The following DPH6 variants were observed in gnomAD, a reference collection of about 807,000 sequenced individuals.
DPH6 encodes diphthine--ammonia ligase.
Under a neutral mutation model 38.2 loss-of-function variants are expected in DPH6, and 33 were observed. The observed-to-expected ratio is 0.86, with a 90% confidence interval of 0.65 to 1.15. The LOEUF (loss-of-function observed/expected upper bound fraction) is 1.15, where lower values mean the gene tolerates loss of function less well. DPH6 is among the 50% of genes most tolerant of loss of function. DPH6 has a pLI of 0.00. For missense variants in DPH6, 325 were observed against 320.0 expected (o/e 1.02, Z -0.12); for synonymous variants, 108 against 103.0 (o/e 1.05, Z -0.30).
rs1025405325 is a variant in DPH6, at chr15:35,371,450, G to A, written c.*700C>T. ...ACGGTAGGGGAGGCTGTGAATGTGT[G>A]GAGGTAGAGGGTATATGGGAAATCT... is the stretch of plus-strand genomic sequence containing the variant. On this transcript the variant is annotated 3_prime_UTR_variant, in exon 9 of 9. Coordinates refer to ENST00000256538, the MANE Select transcript of DPH6 (RefSeq NM_080650.4). 1 of 404,278 alleles carries A rather than the reference G, an allele frequency of 2.5e-6. No homozygotes were observed. The highest frequency in any genetic ancestry group is 3.3e-6 in the Non-Finnish European group (1 of 299,412). The allele number at this position is 404,278 out of a possible 1,614,324, so 25.0% of individuals were successfully genotyped here.
At chr15:35,155,962 C>T in the DPH6 span, among the ~76,000 whole-genome samples, 1 of 151,958 alleles carries the variant, frequency 6.6e-6, no homozygotes, top group East Asian at 1.9e-4. Flanking sequence ...TGGAGCAAAC[C>T]AGGTTTCTGA....
chr15:35,228,126 C>T (rs2051494786), intron 3 of DPH6, among the ~76,000 whole-genome samples: 1 of 152,084 alleles, frequency 6.6e-6, no homozygotes, highest in Non-Finnish European at 1.5e-5. Flanking sequence ...CTGTAAATAT[C>T]TGTTAGATCC....
At chr15:35,289,964 G>C (rs1186479207) in intron 3 of DPH6, among the ~76,000 whole-genome samples, 1 of 152,080 alleles carries the variant, frequency 6.6e-6, no homozygotes, top group Non-Finnish European at 1.5e-5. Context: ...TATATTGTAG[G>C]CTCTTTTGGC....
chr15:35,355,002 GTTC>G (rs2052547032), intron 3 of DPH6, among the ~76,000 whole-genome samples: 1 of 152,270 alleles, frequency 6.6e-6, no homozygotes, highest in East Asian at 1.9e-4. Context: ...AGGATAGTTA[GTTC>G]TTCTTGTTGA....
chr15:35,348,392 T>C (rs1436378550), intron 3 of DPH6, among the ~76,000 whole-genome samples: 1 of 152,190 alleles, frequency 6.6e-6, no homozygotes, highest in Non-Finnish European at 1.5e-5. Context: ...CCAACATCTT[T>C]TGTTGAAGAG....
intron 5 of DPH6, among the ~76,000 whole-genome samples, chr15:35,426,899 T>C (rs912840068): frequency 5.4e-5 from 8 of 148,684 alleles, no homozygotes; most frequent in African/African-American, 2.0e-4. Flanking sequence ...AACAATTCCA[T>C]AGAGACATTT....
At position 35,357,112 on chromosome 15, in the gene DPH6, G is replaced by A. The variant is rs138549859; in HGVS notation, n.207+16409C>T. ...GCGGGATATAATCTCCTGTTGTGCC[G>A]TTTGCTAAGACTGTTGGAGAAGCGC... On this transcript the variant is annotated intron_variant and non_coding_transcript_variant, in intron 3 of 3. Transcript: ENST00000558973. 1.4e-3 allele frequency among the ~76,000 whole-genome samples: 209 copies of A among 152,350 alleles called. 2 individuals carry two copies. The highest frequency in any genetic ancestry group is 6.8e-4 in the Non-Finnish European group (46 of 68,038).
At chr15:35,228,375 A>G (rs753434415) in intron 3 of DPH6, among the ~76,000 whole-genome samples, 4 of 152,186 alleles carry the variant, frequency 2.6e-5, no homozygotes, top group Non-Finnish European at 4.4e-5. Context: ...CTACAGTTAC[A>G]GTGTTATAAT....
chr15:35,181,457 T>TA, the DPH6 span, among the ~76,000 whole-genome samples: 17 of 116,936 alleles, frequency 1.5e-4, no homozygotes, highest in Admixed American at 3.9e-4. Context: ...TTGTCAGTTA[T>TA]AAAAAAAAAC....
chr15:35,170,251 T>G, the DPH6 span, among the ~76,000 whole-genome samples: 1 of 152,346 alleles, frequency 6.6e-6, no homozygotes, highest in East Asian at 1.9e-4. Context: ...GGTCTCATTC[T>G]TGAGCTTGAC....
chr15:35,454,639 C>A, intron 4 of DPH6, 108 bp downstream of exon 4: 2 of 904,012 alleles, frequency 2.2e-6, no homozygotes, highest in Non-Finnish European at 3.4e-6. Context: ...CCATGGAGCA[C>A]GTAGACTACC....
chr15:35,393,515 C>T (rs2053087595), intron 6 of DPH6, among the ~76,000 whole-genome samples: 1 of 152,064 alleles, frequency 6.6e-6, no homozygotes, highest in South Asian at 2.1e-4. Flanking sequence ...GAATGGAGGA[C>T]AAAAGGGTAT....
chr15:35,360,056 T>C (rs937073990), intron 3 of DPH6, among the ~76,000 whole-genome samples: 1 of 152,228 alleles, frequency 6.6e-6, no homozygotes, highest in African/African-American at 2.4e-5. Flanking sequence ...TTCATTTCCT[T>C]TGGTTATGTT....
intron 6 of DPH6, among the ~76,000 whole-genome samples, chr15:35,391,641 C>T (rs994611375): frequency 1.3e-5 from 2 of 152,196 alleles, no homozygotes; most frequent in African/African-American, 4.8e-5. Context: ...CCCTCCGAAC[C>T]AGGTGTGGGA....
intron 3 of DPH6, chr15:35,522,028 T>A: frequency 1.3e-6 from 2 of 1,558,426 alleles, no homozygotes; most frequent in Non-Finnish European, 8.7e-7. Context: ...CAGATCAGCA[T>A]CCAATTAGTA....
chr15:35,185,320 T>C, the DPH6 span, among the ~76,000 whole-genome samples: 1 of 152,164 alleles, frequency 6.6e-6, no homozygotes, highest in African/African-American at 2.4e-5. Flanking sequence ...AACACAATTT[T>C]GCTAACTGAT....
At position 35,371,633 on chromosome 15, in the gene DPH6, T is replaced by A. The variant is rs1199510707; in HGVS notation, c.*517A>T. On this transcript the variant is annotated 3_prime_UTR_variant, in exon 9 of 9. Transcript: ENST00000256538. ...AACTTGTAAGAGTTAAGGACATTCT[T>A]CCTAATTGTCCAATAACGTTGAAAC... is the stretch of plus-strand genomic sequence containing the variant. 1 of 983,552 alleles carries A rather than the reference T, an allele frequency of 1.0e-6. No homozygotes were observed. Among genetic ancestry groups the A allele is most frequent in the Non-Finnish European group, 1.2e-6 (1 of 828,438 alleles). The allele number at this position is 983,552 out of a possible 1,614,324, so 60.9% of individuals were successfully genotyped here.
chr15:35,380,497 C>A (rs1304958544), intron 7 of DPH6, among the ~76,000 whole-genome samples: 1 of 152,018 alleles, frequency 6.6e-6, no homozygotes, highest in Non-Finnish European at 1.5e-5. Flanking sequence ...ATTTTTCTGG[C>A]AAATAGAGAA....
rs547219528 is a variant in DPH6 at position 35,349,956 on chromosome 15, TA to T, written n.208-18880del. Among the ~76,000 whole-genome samples, 407 of 152,280 alleles carry T rather than the reference TA, an allele frequency of 2.7e-3. 1 individual carries two copies. Among genetic ancestry groups the T allele is most frequent in the African/African-American group, 9.0e-3 (374 of 41,566 alleles). On this transcript the variant is annotated intron_variant and non_coding_transcript_variant, in intron 3 of 3. Coordinates refer to the DPH6 transcript ENST00000558973. The stretch of plus-strand genomic sequence containing the variant: ...TATCTGCCTGATTTTGGTATCAGGG[TA>T]ATGCTGGACTTCTGAAATGAATTTG...
Sources: gnomAD v4.1 joint callset for allele counts (sites outside exome capture counted in the v4.1 genomes callset) on GRCh38, gnomAD v4.1.1 for gene constraint, MANE v1.5 for transcripts, NCBI Gene and HGNC (gene_info 2026-07-23, HGNC 2026-07-21) for gene names.